The following REPS2 variants were observed in gnomAD, a reference collection of about 807,000 sequenced individuals.
REPS2 encodes the protein RALBP1 associated Eps domain containing 2.
In REPS2, 23 loss-of-function variants were observed where a neutral mutation model predicts 53.6. The observed-to-expected ratio is 0.43, with a 90% CI of 0.31 to 0.61. The LOEUF is 0.61. Ranked by LOEUF, REPS2 falls within the 20% of genes least tolerant of loss-of-function variation. The pLI is 0.11. For synonymous variants in REPS2, 238 were observed against 218.6 expected, an observed-to-expected ratio of 1.09 and a Z score of -0.78; for missense variants, 446 against 534.9, an observed-to-expected ratio of 0.83 and a Z score of 1.64.
intron 13 of REPS2, among the ~76,000 whole-genome samples, chrX:17,087,497 C>G (rs904725970): frequency 8.9e-6 from 1 of 111,897 alleles, no homozygotes; most frequent in Non-Finnish European, 1.9e-5. Flanking sequence ...AGGAGAACAT[C>G]CCATTAGGGT....
chrX:17,119,868 CTTTTTTTTTTT>C (rs35141257), intron 14 of REPS2, among the ~76,000 whole-genome samples: 1 of 40,516 alleles, frequency 2.5e-5, no homozygotes, highest in African/African-American at 1.2e-4. Context: ...CGCACTGTGA[CTTTTTTTTTTT>C]TTTTTTTTTT....
At chrX:17,040,794 A>G (rs1402704054) in intron 5 of REPS2, among the ~76,000 whole-genome samples, 1 of 112,121 alleles carries the variant, frequency 8.9e-6, no homozygotes, top group Non-Finnish European at 1.9e-5. Context: ...TCCTGGTCCT[A>G]TAGATTGTCT....
the REPS2 span, among the ~76,000 whole-genome samples, chrX:17,187,158 G>C: frequency 8.9e-6 from 1 of 111,892 alleles, no homozygotes; most frequent in Admixed American, 9.5e-5. Flanking sequence ...CATTCCTAGT[G>C]GGCCTATCAT....
chrX:16,951,500 TACACACACACACACACACACACACACAC>T (rs1157042780), intron 1 of REPS2, among the ~76,000 whole-genome samples: 3 of 60,121 alleles, frequency 5.0e-5, no homozygotes, highest in African/African-American at 6.6e-5. Context: ...AAACCCCATC[TACACACACACACACACACACACACACAC>T]ACACACACAC....
intron 11 of REPS2, among the ~76,000 whole-genome samples, chrX:17,071,363 C>CTT (rs5901605): frequency 1.0e-5 from 1 of 96,383 alleles, no homozygotes; most frequent in African/African-American, 3.8e-5. Context: ...ACTTTTCCTA[C>CTT]TTTTTTTTTT....
chrX:16,960,597 C>G (rs2147633361), intron 1 of REPS2, among the ~76,000 whole-genome samples: 1 of 111,905 alleles, frequency 8.9e-6, no homozygotes, highest in East Asian at 2.8e-4. Flanking sequence ...AGGATGCCCA[C>G]TCTTGCCACT....
At chrX:17,067,742 G>A (rs571704759) in intron 9 of REPS2, among the ~76,000 whole-genome samples, 14 of 111,807 alleles carry the variant, frequency 1.3e-4, no homozygotes, top group African/African-American at 4.6e-4. Flanking sequence ...ACATTGTGGG[G>A]CCACTTGTCA....
At chrX:17,163,669 A>G in the REPS2 span, among the ~76,000 whole-genome samples, 9 of 112,489 alleles carry the variant, frequency 8.0e-5, no homozygotes, top group Non-Finnish European at 1.5e-4. Context: ...AAATAGTGGG[A>G]TGACATATTC....
intron 1 of REPS2, among the ~76,000 whole-genome samples, chrX:16,984,232 G>T (rs1188215539): frequency 1.8e-5 from 2 of 112,160 alleles, no homozygotes; most frequent in Non-Finnish European, 3.8e-5. Context: ...CACTTCCATT[G>T]TGGTGCACTC....
intron 1 of REPS2, among the ~76,000 whole-genome samples, chrX:16,965,147 C>T (rs1290290365): frequency 7.8e-5 from 7 of 89,854 alleles, no homozygotes; most frequent in Non-Finnish European, 1.6e-4. Flanking sequence ...GGCTGACCCC[C>T]CCACCTCCCT....
At chrX:16,947,240 G>C (rs1301765445) in intron 1 of REPS2, 106 bp downstream of exon 1, 12 of 914,457 alleles carry the variant, frequency 1.3e-5, no homozygotes, top group Non-Finnish European at 1.4e-5. Context: ...CGGAGGCCTC[G>C]GCCAGTTCTG....
intron 14 of REPS2, among the ~76,000 whole-genome samples, chrX:17,115,683 C>T (rs1453035787): frequency 1.8e-5 from 2 of 111,878 alleles, no homozygotes; most frequent in East Asian, 2.8e-4. Flanking sequence ...TGCGGCCTTC[C>T]GCAGTGTTTG....
chrX:17,004,163 G>T (rs2061336151), intron 1 of REPS2, among the ~76,000 whole-genome samples: 1 of 111,343 alleles, frequency 9.0e-6, no homozygotes, highest in South Asian at 3.8e-4. Context: ...TTAGACTAAA[G>T]AAGAGGAGTG....
chrX:17,038,505 A>C (rs990800077), intron 5 of REPS2, among the ~76,000 whole-genome samples: 2 of 112,349 alleles, frequency 1.8e-5, no homozygotes, highest in African/African-American at 6.5e-5. Context: ...TGTCAGCTCC[A>C]ACCAGATCCA....
At chrX:17,065,855 G>A (rs2062218621) in intron 9 of REPS2, among the ~76,000 whole-genome samples, 1 of 111,717 alleles carries the variant, frequency 9.0e-6, no homozygotes, top group Non-Finnish European at 1.9e-5. Flanking sequence ...ATAGTGCTGG[G>A]ATTACAGGCG....
the REPS2 span, among the ~76,000 whole-genome samples, chrX:17,181,174 C>T: frequency 8.9e-6 from 1 of 112,573 alleles, no homozygotes; most frequent in African/African-American, 3.2e-5. Flanking sequence ...TCCCTCACCC[C>T]CCTAGGGGGA....
intron 9 of REPS2, among the ~76,000 whole-genome samples, chrX:17,066,205 G>A (rs190142574): frequency 8.9e-6 from 1 of 111,967 alleles, no homozygotes; most frequent in African/African-American, 3.2e-5. Context: ...ATCAAGAAGT[G>A]TGAATCCTTT....
chrX:16,960,606 CT>C (rs1223760022), intron 1 of REPS2, among the ~76,000 whole-genome samples: 4 of 111,748 alleles, frequency 3.6e-5, no homozygotes, highest in African/African-American at 1.3e-4. Flanking sequence ...ACTCTTGCCA[CT>C]TTTATTGAAC....
intron 5 of REPS2, among the ~76,000 whole-genome samples, chrX:17,043,183 G>A (rs773679396): frequency 9.0e-6 from 1 of 111,195 alleles, no homozygotes; most frequent in African/African-American, 3.3e-5. Context: ...GAAAGAGATG[G>A]GGGGGTAGGT....
Sources: gnomAD v4.1 joint callset for allele counts (sites outside exome capture counted in the v4.1 genomes callset) on GRCh38, gnomAD v4.1.1 for gene constraint, MANE v1.5 for transcripts, NCBI Gene and HGNC (gene_info 2026-07-23, HGNC 2026-07-21) for gene names.